Variants in BRINP1 observed in about 807,000 individuals in gnomAD.
The protein encoded by BRINP1 is BMP/retinoic acid inducible neural specific 1.
In BRINP1, 17 loss-of-function variants were observed where a neutral mutation model predicts 72.9. That is an observed-to-expected ratio of 0.23 (90% CI 0.16 to 0.35). BRINP1 has a LOEUF of 0.35. Ranked by LOEUF, BRINP1 falls within the 10% of genes least tolerant of loss-of-function variation. BRINP1 has a pLI of 1.00. For synonymous variants in BRINP1, 418 were observed against 378.5 expected (o/e 1.10, Z -1.21); for missense variants, 850 against 1,001.6 (o/e 0.85, Z 2.04).
At chr9:119,169,298 G>A (rs544640660) in intron 7 of BRINP1, among the ~76,000 whole-genome samples, 19 of 152,250 alleles carry the variant, frequency 1.2e-4, no homozygotes, top group Non-Finnish European at 2.1e-4. Context: ...GAAGCAGGGC[G>A]AGGCATTGCC....
intron 1 of BRINP1, among the ~76,000 whole-genome samples, chr9:119,356,366 C>T (rs934026642): frequency 1.3e-5 from 2 of 152,196 alleles, no homozygotes; most frequent in African/African-American, 4.8e-5. Flanking sequence ...CTCTCCAATA[C>T]ACTATATGTT....
In BRINP1 at chr9:119,175,311, A is replaced by G. The variant is rs1296717906; in HGVS notation, c.1146-7087T>C. Among the ~76,000 whole-genome samples the G allele has an allele frequency of 8.6e-5, 13 of 151,902 alleles. 1 individual carries two copies. The South Asian group carries it at 2.5e-3, about 29-fold the overall frequency. ...CTGTATGTTCTCACTAGTAAGTGGGAGTTGAACAATGAGAACACATGGACA... is the reference window on the plus strand; with the variant it reads ...CTGTATGTTCTCACTAGTAAGTGGGGGTTGAACAATGAGAACACATGGACA... On this transcript the variant is annotated intron_variant, in intron 7 of 7. Coordinates refer to ENST00000265922, the MANE Select transcript of BRINP1 (RefSeq NM_014618.3).
intron 1 of BRINP1, among the ~76,000 whole-genome samples, chr9:119,325,060 A>G (rs1831226152): frequency 6.6e-6 from 1 of 152,044 alleles, no homozygotes; most frequent in Non-Finnish European, 1.5e-5. Context: ...AGATCACGCC[A>G]TTGCACTCCA....
chr9:119,190,390 A>G (rs1564213144), intron 7 of BRINP1, among the ~76,000 whole-genome samples: 1 of 151,010 alleles, frequency 6.6e-6, no homozygotes, highest in Non-Finnish European at 1.5e-5. Flanking sequence ...ACTAAGCAAA[A>G]TCAACAAACC....
At chr9:119,225,179 A>T (rs1157102580) in intron 5 of BRINP1, among the ~76,000 whole-genome samples, 1 of 152,100 alleles carries the variant, frequency 6.6e-6, no homozygotes, top group Non-Finnish European at 1.5e-5. Context: ...TAGTATATGT[A>T]TACAATGAAG....
chr9:119,245,194 TACAC>T (rs34730284), intron 3 of BRINP1, among the ~76,000 whole-genome samples: 32 of 126,018 alleles, frequency 2.5e-4, no homozygotes, highest in African/African-American at 6.2e-4. Context: ...CAAGCTCACA[TACAC>T]ACACACACAC....
At chr9:119,192,467 T>C (rs1829692586) in intron 7 of BRINP1, among the ~76,000 whole-genome samples, 2 of 151,864 alleles carry the variant, frequency 1.3e-5, no homozygotes, top group South Asian at 4.2e-4. Flanking sequence ...ACAGAAGACA[T>C]AAAAATGGCT....
At chr9:119,316,634 T>C (rs1343555850) in intron 1 of BRINP1, among the ~76,000 whole-genome samples, 1 of 152,078 alleles carries the variant, frequency 6.6e-6, no homozygotes, top group Non-Finnish European at 1.5e-5. Context: ...TGACAGCACA[T>C]TTGTTTACAA....
At chr9:119,309,122 C>T (rs1360057446) in intron 2 of BRINP1, among the ~76,000 whole-genome samples, 1 of 152,128 alleles carries the variant, frequency 6.6e-6, no homozygotes, top group East Asian at 1.9e-4. Context: ...ACCACCATTC[C>T]GACATGCCTT....
intron 1 of BRINP1, among the ~76,000 whole-genome samples, chr9:119,351,399 C>A (rs568679468): frequency 1.3e-5 from 2 of 151,522 alleles, no homozygotes; most frequent in African/African-American, 4.9e-5. Flanking sequence ...TGTAGAAGAA[C>A]GTGGAAGGCG....
At chr9:119,298,079 C>T (rs12683279) in intron 2 of BRINP1, among the ~76,000 whole-genome samples, 15,474 of 152,220 alleles carry the variant, frequency 0.1, 1,031 homozygotes, top group East Asian at 0.21. Context: ...AAAGATAGGA[C>T]ATCTAACAGT....
chr9:119,178,310 G>A (rs975008876), intron 7 of BRINP1, among the ~76,000 whole-genome samples: 4 of 152,136 alleles, frequency 2.6e-5, no homozygotes, highest in Non-Finnish European at 5.9e-5. Context: ...GACAGTGGGG[G>A]CAGAGAGGTA....
At chr9:119,250,447 G>A (rs1830375227) in intron 2 of BRINP1, among the ~76,000 whole-genome samples, 1 of 152,298 alleles carries the variant, frequency 6.6e-6, no homozygotes, top group East Asian at 1.9e-4. Flanking sequence ...TATGTGTTGT[G>A]ATCTTGTCCC....
chr9:119,181,169 C>G (rs906518434), intron 7 of BRINP1, among the ~76,000 whole-genome samples: 2 of 152,138 alleles, frequency 1.3e-5, no homozygotes, highest in African/African-American at 4.8e-5. Flanking sequence ...CAGGACACTC[C>G]CTGGTGGAGG....
chr9:119,223,386 T>A (rs1374621466), intron 5 of BRINP1, among the ~76,000 whole-genome samples: 1 of 152,024 alleles, frequency 6.6e-6, no homozygotes, highest in African/African-American at 2.4e-5. Flanking sequence ...AGGGTAGTTG[T>A]TTAAGTGACA....
rs556478665 is a variant in BRINP1, at chr9:119,166,891, T to TAAC, written c.*190_*192dup. 3 of 616,388 alleles carry TAAC rather than the reference T, an allele frequency of 4.9e-6. No individual in the cohort carries two copies. Among genetic ancestry groups the TAAC allele is most frequent in the Non-Finnish European group, 8.2e-6 (3 of 365,224 alleles). 38.2% of individuals were successfully genotyped at this position (616,388 alleles called of 1,614,324 possible). A position where few individuals can be genotyped will look rare whatever the true frequency, so the allele number is the denominator to read the frequency against. ...CTTCATGACAGAGTGAGTATAGAAA[T>TAAC]AACAAACATGCCCAACGCTTTTATA... On this transcript the variant is annotated 3_prime_UTR_variant, in exon 8 of 8. Transcript: ENST00000265922.
chr9:119,276,010 C>T (rs1830653924), intron 2 of BRINP1, among the ~76,000 whole-genome samples: 1 of 152,088 alleles, frequency 6.6e-6, no homozygotes, highest in South Asian at 2.1e-4. Context: ...TTTCACTTTC[C>T]CTTTTTTCCT....
At chr9:119,330,781 A>G (rs1180377646) in intron 1 of BRINP1, among the ~76,000 whole-genome samples, 1 of 152,078 alleles carries the variant, frequency 6.6e-6, no homozygotes, top group Non-Finnish European at 1.5e-5. Flanking sequence ...TAATCCCAAC[A>G]CTTTGGGAGG....
At chr9:119,255,341 C>A (rs933651845) in intron 2 of BRINP1, among the ~76,000 whole-genome samples, 1 of 152,148 alleles carries the variant, frequency 6.6e-6, no homozygotes, top group East Asian at 1.9e-4. Context: ...ACCAATTAGA[C>A]TGAGATTAAA....
Sources: gnomAD v4.1 joint callset for allele counts (sites outside exome capture counted in the v4.1 genomes callset) on GRCh38, gnomAD v4.1.1 for gene constraint, MANE v1.5 for transcripts, NCBI Gene and HGNC (gene_info 2026-07-23, HGNC 2026-07-21) for gene names.